The following NEURL1 variants were observed in gnomAD, a reference collection of about 807,000 sequenced individuals.
NEURL1 encodes the protein neuralized E3 ubiquitin protein ligase 1.
Under a neutral mutation model 41.2 loss-of-function variants are expected in NEURL1, and 26 were observed. That is an observed-to-expected ratio of 0.63 (90% CI 0.46 to 0.87). The LOEUF (loss-of-function observed/expected upper bound fraction) is 0.87. Ranked by LOEUF, NEURL1 falls within the 40% of genes least tolerant of loss-of-function variation. The pLI is 0.00. For missense variants in NEURL1, 761 were observed against 871.1 expected (o/e 0.87, Z 1.59); for synonymous variants, 400 against 402.3 (o/e 0.99, Z 0.07).
chr10:103,534,936 A>G (rs1017084183), intron 1 of NEURL1, among the ~76,000 whole-genome samples: 2 of 152,134 alleles, frequency 1.3e-5, no homozygotes, highest in Non-Finnish European at 2.9e-5. Context: ...CTGTGATTCT[A>G]CTGCTGGGAG....
At chr10:103,582,936 A>G (rs143392975) in intron 3 of NEURL1, among the ~76,000 whole-genome samples, 31 of 152,280 alleles carry the variant, frequency 2.0e-4, no homozygotes, top group African/African-American at 7.2e-4. Context: ...CCTTTTTTTC[A>G]ATCCTGGATC....
At chr10:103,576,301 A>G (rs2035661268) in intron 3 of NEURL1, among the ~76,000 whole-genome samples, 1 of 149,330 alleles carries the variant, frequency 6.7e-6, no homozygotes, top group African/African-American at 2.4e-5. Context: ...TTGAGGAACA[A>G]TTTAGGTCAG....
intron 1 of NEURL1, among the ~76,000 whole-genome samples, chr10:103,504,331 C>T (rs1004954412): frequency 6.6e-6 from 1 of 152,144 alleles, no homozygotes; most frequent in East Asian, 1.9e-4. Flanking sequence ...TTGGTTGTGA[C>T]AATTTCTCAC....
chr10:103,515,657 T>C (rs2034187320), intron 1 of NEURL1, among the ~76,000 whole-genome samples: 1 of 152,234 alleles, frequency 6.6e-6, no homozygotes, highest in African/African-American at 2.4e-5. Flanking sequence ...AATCACCACC[T>C]AGTGAAACAT....
intron 1 of NEURL1, among the ~76,000 whole-genome samples, chr10:103,568,757 C>T (rs2035477824): frequency 6.6e-6 from 1 of 152,132 alleles, no homozygotes; most frequent in Non-Finnish European, 1.5e-5. Context: ...GCCTCTCTCC[C>T]CACACCATCG....
At chr10:103,494,913 A>C (rs1402538936) in intron 1 of NEURL1, among the ~76,000 whole-genome samples, 1 of 152,152 alleles carries the variant, frequency 6.6e-6, no homozygotes, top group Non-Finnish European at 1.5e-5. Flanking sequence ...GGGTTTTAAA[A>C]ATTCAGGACA....
At chr10:103,547,499 C>T (rs915753045) in intron 1 of NEURL1, among the ~76,000 whole-genome samples, 1 of 152,222 alleles carries the variant, frequency 6.6e-6, no homozygotes, top group Admixed American at 6.5e-5. Flanking sequence ...TCAGCTGGTC[C>T]TGGGCTTGGC....
At chr10:103,580,401 T>C (rs1182460215) in intron 3 of NEURL1, among the ~76,000 whole-genome samples, 1 of 152,220 alleles carries the variant, frequency 6.6e-6, no homozygotes, top group African/African-American at 2.4e-5. Context: ...ACCCCACTGC[T>C]TGGGGTGAGA....
chr10:103,502,478 C>G (rs1237020109), intron 1 of NEURL1, among the ~76,000 whole-genome samples: 5 of 152,206 alleles, frequency 3.3e-5, no homozygotes. Context: ...CGAGAACGAT[C>G]TTTCTCTCTT....
intron 1 of NEURL1, among the ~76,000 whole-genome samples, chr10:103,537,913 G>A (rs1016238069): frequency 6.6e-6 from 1 of 151,666 alleles, no homozygotes; most frequent in Non-Finnish European, 1.5e-5. Flanking sequence ...TGCACCCCCC[G>A]CCTCTGCCAT....
intron 1 of NEURL1, among the ~76,000 whole-genome samples, chr10:103,554,408 A>G (rs893239471): frequency 1.3e-5 from 2 of 152,118 alleles, no homozygotes; most frequent in Non-Finnish European, 2.9e-5. Context: ...GAGCCCATGT[A>G]TATGCACATT....
intron 1 of NEURL1, among the ~76,000 whole-genome samples, chr10:103,559,745 G>A (rs1189798373): frequency 6.6e-6 from 1 of 152,134 alleles, no homozygotes; most frequent in African/African-American, 2.4e-5. Context: ...AGTACACCTG[G>A]TACATAGTAA....
chr10:103,538,847 G>C (rs188338757), intron 1 of NEURL1, among the ~76,000 whole-genome samples: 6 of 150,776 alleles, frequency 4.0e-5, no homozygotes, highest in Admixed American at 2.6e-4. Context: ...GGGTTTCACC[G>C]TATTGGTCAG....
intron 1 of NEURL1, among the ~76,000 whole-genome samples, chr10:103,497,703 G>A (rs1446972879): frequency 6.6e-6 from 1 of 152,188 alleles, no homozygotes. Context: ...CAGGGGAGAG[G>A]TCCACGGTGT....
At chr10:103,527,483 T>TG (rs1216231431) in intron 1 of NEURL1, among the ~76,000 whole-genome samples, 1 of 151,890 alleles carries the variant, frequency 6.6e-6, no homozygotes, top group Non-Finnish European at 1.5e-5. Flanking sequence ...GTAGCAGAGA[T>TG]GGGGTTTCAC....
intron 1 of NEURL1, among the ~76,000 whole-genome samples, chr10:103,543,593 G>T (rs575009799): frequency 6.6e-6 from 1 of 152,356 alleles, no homozygotes; most frequent in African/African-American, 2.4e-5. Flanking sequence ...AGGATCTAGA[G>T]ATAAAAAGAT....
In NEURL1 at chr10:103,565,463, C is replaced by T. The variant is rs530418518; in HGVS notation, c.86-5409C>T. On this transcript the variant is annotated intron_variant, in intron 1 of 5. Coordinates refer to ENST00000369780, the MANE Select transcript of NEURL1 (RefSeq NM_004210.5). ...GGCAGGGAACCCCCGTTCTGTTTCA[C>T]AGCTGTGGAAGGAACTTAAGGGTTA... 9.1e-4 allele frequency among the ~76,000 whole-genome samples: 138 copies of T among 152,284 alleles called. 1 individual carries two copies. Among genetic ancestry groups the T allele is most frequent in the Non-Finnish European group, 1.4e-3 (97 of 68,024 alleles).
chr10:103,590,832 C>G lies in NEURL1; in HGVS notation c.*460C>G, dbSNP rs539639959. The G allele has an allele frequency of 2.4e-4, 45 of 189,498 alleles. No individual in the cohort carries two copies. Among genetic ancestry groups the G allele is most frequent in the Non-Finnish European group, 4.7e-4 (43 of 90,616 alleles). The allele number at this position is 189,498 out of a possible 1,614,324, so 11.7% of individuals were successfully genotyped here. A position where few individuals can be genotyped will look rare whatever the true frequency, so the allele number is the denominator to read the frequency against. On this transcript the variant is annotated 3_prime_UTR_variant, in exon 6 of 6. Transcript: ENST00000369780. ...TGCAGCATGGAGTGGATTTTAGGCTCATTTGCCCTCTCAGCCAACTGCCCT... is the reference window on the plus strand; with the variant it reads ...TGCAGCATGGAGTGGATTTTAGGCTGATTTGCCCTCTCAGCCAACTGCCCT...
intron 1 of NEURL1, among the ~76,000 whole-genome samples, chr10:103,541,697 G>T (rs780916674): frequency 2.1e-4 from 32 of 152,210 alleles, no homozygotes; most frequent in Admixed American, 5.9e-4. Context: ...ACATGGGGAT[G>T]ACTGGGGTGA....
Sources: gnomAD v4.1 joint callset for allele counts (sites outside exome capture counted in the v4.1 genomes callset) on GRCh38, gnomAD v4.1.1 for gene constraint, MANE v1.5 for transcripts, NCBI Gene and HGNC (gene_info 2026-07-23, HGNC 2026-07-21) for gene names.